CHL1: variants seen among roughly 807,000 people sequenced by gnomAD.
CHL1 encodes the protein neural cell adhesion molecule L1-like protein.
A neutral mutation model predicts 141.9 loss-of-function variants in CHL1; 96 were observed. The observed-to-expected ratio is 0.68, with a 90% CI of 0.57 to 0.80. The LOEUF (loss-of-function observed/expected upper bound fraction) is 0.80. Ranked by LOEUF, CHL1 falls within the 30% of genes least tolerant of loss-of-function variation. The pLI, the probability that CHL1 is intolerant of heterozygous loss-of-function variation, is 0.00. For missense variants in CHL1, 1,820 were observed against 1,457.2 expected (o/e 1.25, Z -4.05); for synonymous variants, 613 against 502.2 (o/e 1.22, Z -2.95).
At chr3:382,334 G>A (rs1707150931) in intron 17 of CHL1, 54 bp downstream of exon 17, 2 of 1,531,756 alleles carry the variant, frequency 1.3e-6, no homozygotes, top group Non-Finnish European at 1.8e-6. Context: ...AAAATTAATA[G>A]CGAAGTCACT....
chr3:317,405 G>A (rs943248933), intron 2 of CHL1, among the ~76,000 whole-genome samples: 1 of 151,814 alleles, frequency 6.6e-6, no homozygotes, highest in African/African-American at 2.4e-5. Context: ...AGTTATTCTT[G>A]TTCCCTATTT....
At chr3:204,291 G>T (rs1226455110) in intron 1 of CHL1, among the ~76,000 whole-genome samples, 1 of 152,218 alleles carries the variant, frequency 6.6e-6, no homozygotes, top group Non-Finnish European at 1.5e-5. Context: ...TCCTGGGAGG[G>T]ATTGTAGTTA....
At chr3:329,751 A>C (rs1400478545) in intron 5 of CHL1, among the ~76,000 whole-genome samples, 1 of 152,086 alleles carries the variant, frequency 6.6e-6, no homozygotes, top group East Asian at 1.9e-4. Context: ...TTGAAATGAA[A>C]AAGACAGAAA....
At chr3:367,918 G>A (rs1185648291) in intron 15 of CHL1, among the ~76,000 whole-genome samples, 1 of 152,126 alleles carries the variant, frequency 6.6e-6, no homozygotes, top group Non-Finnish European at 1.5e-5. Context: ...CCCTGAAAAG[G>A]ACATGATCTC....
intron 2 of CHL1, among the ~76,000 whole-genome samples, chr3:255,321 G>A (rs949852646): frequency 1.3e-5 from 2 of 152,148 alleles, no homozygotes; most frequent in African/African-American, 4.8e-5. Flanking sequence ...AGGCAACAGG[G>A]AAGACTTCCT....
intron 1 of CHL1, among the ~76,000 whole-genome samples, chr3:203,692 A>G (rs1575593795): frequency 1.3e-5 from 2 of 152,192 alleles, no homozygotes; most frequent in South Asian, 2.1e-4. Flanking sequence ...CGTGGGACCT[A>G]TGGCTTTTGG....
chr3:282,004 C>T (rs1473599498), intron 2 of CHL1, among the ~76,000 whole-genome samples: 3 of 152,114 alleles, frequency 2.0e-5, no homozygotes, highest in South Asian at 2.1e-4. Context: ...TCATTTATGT[C>T]TTATATAATT....
chr3:322,655 T>TATATATAAAATTATATATATATATAAA (rs1700680700), intron 3 of CHL1, among the ~76,000 whole-genome samples: 1 of 139,978 alleles, frequency 7.1e-6, no homozygotes, highest in African/African-American at 2.7e-5. Flanking sequence ...AATATATATA[T>TATATATAAAATTATATATATATATAAA]ATATATATAT....
chr3:292,976 G>A (rs929496994), intron 2 of CHL1, among the ~76,000 whole-genome samples: 1 of 152,192 alleles, frequency 6.6e-6, no homozygotes, highest in Non-Finnish European at 1.5e-5. Context: ...GTATCACCAA[G>A]TGAACTACCG....
At chr3:303,174 G>A (rs989802139) in intron 2 of CHL1, among the ~76,000 whole-genome samples, 8 of 152,116 alleles carry the variant, frequency 5.3e-5, no homozygotes, top group East Asian at 1.9e-4. Flanking sequence ...GTTAGGTAGC[G>A]TGATGCCTCT....
chr3:344,970 CAGAG>C (rs1347035205), intron 9 of CHL1, among the ~76,000 whole-genome samples: 1 of 151,446 alleles, frequency 6.6e-6, no homozygotes, highest in Non-Finnish European at 1.5e-5. Context: ...ACCTGGATGA[CAGAG>C]AAAGACCTCA....
At chr3:287,586 T>TG (rs1252595439) in intron 2 of CHL1, among the ~76,000 whole-genome samples, 1 of 152,232 alleles carries the variant, frequency 6.6e-6, no homozygotes, top group Non-Finnish European at 1.5e-5. Flanking sequence ...AGTCTTTGAT[T>TG]TGATATATTT....
In CHL1 at chr3:337,185, G is replaced by GTTTTTTTTTTTTTTT. The variant is rs1159691986; in HGVS notation, c.386-3604_386-3603insTTTTTTTTTTTTTTT. Among the ~76,000 whole-genome samples, 2 of 81,118 alleles carry GTTTTTTTTTTTTTTT rather than the reference G, an allele frequency of 2.5e-5. 1 individual carries two copies. Among genetic ancestry groups the GTTTTTTTTTTTTTTT allele is most frequent in the African/African-American group, 9.8e-5 (2 of 20,334 alleles). The allele number at this position is 81,118 out of a possible 152,430, so 53.2% of individuals were successfully genotyped here. ...TAATGGGATTTCCAAACATTCTTTTGTTTTTGTTTTTTTTTTTTTTTTTGA... is the reference window on the plus strand; with the variant it reads ...TAATGGGATTTCCAAACATTCTTTTGTTTTTTTTTTTTTTTTTTTTGTTTTTTTTTTTTTTTTTGA... On this transcript the variant is annotated intron_variant, in intron 5 of 27. Coordinates refer to ENST00000256509, the MANE Select transcript of CHL1 (RefSeq NM_006614.4).
In CHL1 at chr3:389,366, G is replaced by C; in HGVS notation, c.2362G>C (p.Val788Leu). Residue 788 changes from valine (V) to leucine (L), a missense_variant, in exon 20 of 28, where the codon GTG (valine) becomes CTG (leucine). Coordinates refer to ENST00000256509, the MANE Select transcript of CHL1 (RefSeq NM_006614.4). The part of the protein sequence containing the change: ...EETVTNHTLR[V>L]MTPAVYAPYD... ...AACAGTCACAAACCACACATTGCGG[G>C]TGATGACGCCTGCTGTCTATGCCCC... 2 of 1,614,194 alleles carry C rather than the reference G, an allele frequency of 1.2e-6. No individual in the cohort carries two copies. Among genetic ancestry groups the C allele is most frequent in the Non-Finnish European group, 8.5e-7 (1 of 1,180,032 alleles).
intron 15 of CHL1, among the ~76,000 whole-genome samples, chr3:369,029 A>C (rs577585959): frequency 6.6e-6 from 1 of 152,306 alleles, no homozygotes; most frequent in East Asian, 1.9e-4. Flanking sequence ...AGGTAGCGTG[A>C]TGCCTCCAGC....
At chr3:364,637 C>CTT (rs375028577) in intron 14 of CHL1, among the ~76,000 whole-genome samples, 2 of 148,318 alleles carry the variant, frequency 1.3e-5, no homozygotes, top group African/African-American at 2.5e-5. Flanking sequence ...ATTAAGGACA[C>CTT]TTTTTTTTTT....
At chr3:368,376 G>C (rs1006981420) in intron 15 of CHL1, among the ~76,000 whole-genome samples, 1 of 152,000 alleles carries the variant, frequency 6.6e-6, no homozygotes, top group Non-Finnish European at 1.5e-5. Context: ...TCATATGTTT[G>C]TTGGCCATGT....
intron 4 of CHL1, among the ~76,000 whole-genome samples, chr3:327,423 A>ATT (rs35916319): frequency 3.5e-5 from 5 of 142,940 alleles, no homozygotes; most frequent in Admixed American, 1.4e-4. Flanking sequence ...AACTGTGTAC[A>ATT]TTTTTTTTCT....
At chr3:345,935 C>G (rs1702733794) in intron 9 of CHL1, among the ~76,000 whole-genome samples, 1 of 152,072 alleles carries the variant, frequency 6.6e-6, no homozygotes, top group African/African-American at 2.4e-5. Flanking sequence ...CTATTTTTAC[C>G]ACTATCCTTC....
Sources: allele counts gnomAD v4.1 joint callset (sites outside exome capture counted in the v4.1 genomes callset), GRCh38; gene constraint gnomAD v4.1.1; transcripts MANE v1.5; gene names NCBI Gene and HGNC (gene_info 2026-07-23, HGNC 2026-07-21).